TMEM207: variants seen among roughly 807,000 people sequenced by gnomAD.
TMEM207 encodes the protein transmembrane protein 207, also known as SRSR846.
A neutral mutation model predicts 17.4 loss-of-function variants in TMEM207; 15 were observed. The ratio of observed to expected loss-of-function variants is 0.86; its 90% CI spans 0.58 to 1.33. The LOEUF is 1.33. Ranked by LOEUF, TMEM207 falls within the 40% of genes most tolerant of loss-of-function variation. The pLI is 0.00. For missense variants in TMEM207, 205 were observed against 173.8 expected (o/e 1.18, Z -1.01); for synonymous variants, 70 against 65.6 (o/e 1.07, Z -0.33).
At chr3:190,446,662 C>T (rs1274790450) in intron 2 of TMEM207, among the ~76,000 whole-genome samples, 1 of 152,242 alleles carries the variant, frequency 6.6e-6, no homozygotes, top group African/African-American at 2.4e-5. Flanking sequence ...TCAATCCCTT[C>T]ACCTAAAAGG....
chr3:190,429,925 T>G (rs1719656248), intron 4 of TMEM207, among the ~76,000 whole-genome samples, 194 bp from the exon 5 acceptor site: 1 of 151,956 alleles, frequency 6.6e-6, no homozygotes, highest in African/African-American at 2.4e-5. Context: ...AAAAAAAAAA[T>G]TGCTTGCCTG....
chr3:190,429,448 C>T lies in TMEM207; in HGVS notation c.*147G>A. 1.7e-6 allele frequency: 2 copies of T among 1,204,226 alleles called. No homozygotes were observed. Among genetic ancestry groups the T allele is most frequent in the Non-Finnish European group, 2.2e-6 (2 of 888,892 alleles). The allele number at this position is 1,204,226 out of a possible 1,614,324, so 74.6% of individuals were successfully genotyped here. On this transcript the variant is annotated 3_prime_UTR_variant, in exon 5 of 5. Transcript: ENST00000354905. ...TCTCCATGACCAAAATTTTTTCCAA[C>T]ATCCATTCTTTTGTCGAATTGTCCT...
intron 2 of TMEM207, among the ~76,000 whole-genome samples, chr3:190,444,983 T>C (rs913096198): frequency 2.0e-5 from 3 of 152,178 alleles, no homozygotes; most frequent in African/African-American, 4.8e-5. Context: ...GTATAGTATC[T>C]CAAAGAATGA....
intron 2 of TMEM207, among the ~76,000 whole-genome samples, chr3:190,445,245 A>G (rs1409074301): frequency 6.6e-6 from 1 of 152,214 alleles, no homozygotes; most frequent in Non-Finnish European, 1.5e-5. Flanking sequence ...GTATAGTCAT[A>G]TTTATATTTC....
At position 190,438,915 on chromosome 3, in the gene TMEM207, C is replaced by G. The variant is rs868077918; in HGVS notation, c.304+1329G>C. On this transcript the variant is annotated intron_variant, in intron 4 of 4. Transcript: ENST00000354905. ...CCTAAAAGAACCATTTCCCGCCGGG[C>G]GCGGTGGCTCACGCCTGTAATCCCA... is the stretch of plus-strand genomic sequence containing the variant. Among the ~76,000 whole-genome samples the G allele has an allele frequency of 2.6e-5, 4 of 152,192 alleles. 1 individual carries two copies. Among genetic ancestry groups the G allele is most frequent in the Non-Finnish European group, 5.9e-5 (4 of 67,996 alleles).
At position 190,431,825 on chromosome 3, in the gene TMEM207, T is replaced by C. The variant is rs574427571; in HGVS notation, c.305-2094A>G. Among the ~76,000 whole-genome samples, 12 of 152,342 alleles carry C rather than the reference T, an allele frequency of 7.9e-5. No individual in the cohort carries two copies. The East Asian group carries it at 2.3e-3, about 29-fold the overall frequency. Reference sequence around the variant, plus strand: ...CCAGTAATAGAGTCTTCACAGTTGCTTTCGTAGAAAACTCATTATCTTCTT... The same window carrying C: ...CCAGTAATAGAGTCTTCACAGTTGCCTTCGTAGAAAACTCATTATCTTCTT... On this transcript the variant is annotated intron_variant, in intron 4 of 4. Transcript: ENST00000354905.
At chr3:190,447,626 A>G (rs934677346) in intron 2 of TMEM207, among the ~76,000 whole-genome samples, 164 bp downstream of exon 2, 9 of 151,354 alleles carry the variant, frequency 5.9e-5, no homozygotes, top group African/African-American at 1.9e-4. Flanking sequence ...CTGTTTTCAG[A>G]AAAAAAAATG....
At chr3:190,438,279 A>C (rs1307948434) in intron 4 of TMEM207, among the ~76,000 whole-genome samples, 6 of 150,980 alleles carry the variant, frequency 4.0e-5, no homozygotes, top group African/African-American at 1.2e-4. Flanking sequence ...TTTATCCCCA[A>C]GGTTGTTTGG....
intron 4 of TMEM207, among the ~76,000 whole-genome samples, chr3:190,438,060 G>A (rs1374118026): frequency 1.5e-5 from 2 of 130,354 alleles, no homozygotes; most frequent in African/African-American, 2.9e-5. Context: ...AGAACACATG[G>A]ACACAGGAAG....
At chr3:190,443,774 A>G (rs1719986974) in intron 2 of TMEM207, among the ~76,000 whole-genome samples, 1 of 152,226 alleles carries the variant, frequency 6.6e-6, no homozygotes, top group South Asian at 2.1e-4. Flanking sequence ...GATATTCAGT[A>G]TAGGAAAGGT....
chr3:190,447,851 A>G (rs1720084543), intron 1 of TMEM207, 24 bp from the exon 2 acceptor site: 2 of 1,607,590 alleles, frequency 1.2e-6, no homozygotes, highest in African/African-American at 1.3e-5. Flanking sequence ...TTAGAACAAT[A>G]AAATCCAAAC....
chr3:190,445,961 C>G (rs1720036526), intron 2 of TMEM207, among the ~76,000 whole-genome samples: 1 of 152,220 alleles, frequency 6.6e-6, no homozygotes, highest in African/African-American at 2.4e-5. Flanking sequence ...ATGGCCTCTA[C>G]CTAGGCGATC....
Position 190,429,541 on chromosome 3 carries a change from G to A in TMEM207, c.*54C>T, listed in dbSNP as rs1719643719. 1 of 1,591,138 alleles carries A rather than the reference G, an allele frequency of 6.3e-7. No individual in the cohort carries two copies. Among genetic ancestry groups the A allele is most frequent in the East Asian group, 2.2e-5 (1 of 44,600 alleles). On this transcript the variant is annotated 3_prime_UTR_variant, in exon 5 of 5. Coordinates refer to ENST00000354905, the MANE Select transcript of TMEM207 (RefSeq NM_207316.3). The stretch of plus-strand genomic sequence containing the variant: ...TGAAATAACTATTCCTAAATTTGAT[G>A]TTTTGGAATTACAGATGTCGTTAAT...
chr3:190,442,732 C>T (rs1719961111), intron 2 of TMEM207, among the ~76,000 whole-genome samples: 1 of 150,306 alleles, frequency 6.7e-6, no homozygotes, highest in Non-Finnish European at 1.5e-5. Context: ...AGACAAATGG[C>T]CATGAATAAA....
rs900231202 is a variant in TMEM207 at position 190,429,185 on chromosome 3, C to G, written c.*410G>C. The G allele has an allele frequency of 6.4e-6, 1 of 155,292 alleles. No homozygotes were observed. The highest frequency in any genetic ancestry group is 2.0e-4 in the South Asian group (1 of 5,126). The allele number at this position is 155,292 out of a possible 1,614,324, so 9.6% of individuals were successfully genotyped here. ...TCTGGTTCTGGACATGTTGGATTCT[C>G]GGCTTGGGCTATTGTTAAATTATAA... On this transcript the variant is annotated 3_prime_UTR_variant, in exon 5 of 5. Transcript: ENST00000354905.
Position 190,440,243 on chromosome 3 carries a change from C to A in TMEM207, c.304+1G>T, listed in dbSNP as rs769944896. The A allele has an allele frequency of 6.2e-7, 1 of 1,612,768 alleles. No individual in the cohort carries two copies. The highest frequency in any genetic ancestry group is 1.3e-5 in the African/African-American group (1 of 74,726). On this transcript the variant is annotated splice_donor_variant, in intron 4 of 4. Transcript: ENST00000354905. LOFTEE classifies it high-confidence loss of function. Reference sequence around the variant, plus strand: ...AGTCCAGAAGCGTGCAGACAACTCACCATAAATAGAGTCCAAGTCTCCAAC... The same window carrying A: ...AGTCCAGAAGCGTGCAGACAACTCAACATAAATAGAGTCCAAGTCTCCAAC...
chr3:190,439,176 CAAAAA>C (rs772313119), intron 4 of TMEM207, among the ~76,000 whole-genome samples: 1 of 58,662 alleles, frequency 1.7e-5, no homozygotes, highest in Admixed American at 2.2e-4. Flanking sequence ...GACTCCGTCT[CAAAAA>C]AAAAAAAAAA....
chr3:190,446,338 G>A (rs192827736), intron 2 of TMEM207, among the ~76,000 whole-genome samples: 43 of 152,212 alleles, frequency 2.8e-4, no homozygotes, highest in Non-Finnish European at 4.3e-4. Context: ...AAAACAGCAT[G>A]ACTTTCCTTA....
chr3:190,447,646 G>A, intron 2 of TMEM207, 144 bp downstream of exon 2: 1 of 648,772 alleles, frequency 1.5e-6, no homozygotes, highest in Non-Finnish European at 2.5e-6. Context: ...GGAGCCATCT[G>A]CATTTACAAA....
Sources: allele counts gnomAD v4.1 joint callset (sites outside exome capture counted in the v4.1 genomes callset), GRCh38; gene constraint gnomAD v4.1.1; transcripts MANE v1.5; gene names NCBI Gene and HGNC (gene_info 2026-07-23, HGNC 2026-07-21).